The following KIRREL1 variants were observed in gnomAD, a reference collection of about 807,000 sequenced individuals.
KIRREL1 encodes the protein kin of IRRE-like protein 1.
Under a neutral mutation model 83.3 loss-of-function variants are expected in KIRREL1, and 25 were observed. The observed-to-expected ratio is 0.30, with a 90% CI of 0.22 to 0.42. The LOEUF (loss-of-function observed/expected upper bound fraction) is 0.42. KIRREL1 is among the 10% of genes least tolerant of loss of function. The pLI is 1.00. For missense variants in KIRREL1, 812 were observed against 1,032.3 expected, an observed-to-expected ratio of 0.79 and a Z score of 2.92; for synonymous variants, 388 against 410.4, an observed-to-expected ratio of 0.95 and a Z score of 0.66.
At chr1:158,077,126 G>A (rs1221680564) in intron 2 of KIRREL1, among the ~76,000 whole-genome samples, 1 of 152,208 alleles carries the variant, frequency 6.6e-6, no homozygotes, top group Non-Finnish European at 1.5e-5. Context: ...GTATGGGTGT[G>A]GGGGATGGGC....
intron 1 of KIRREL1, among the ~76,000 whole-genome samples, chr1:158,018,022 A>G (rs1659883209): frequency 6.6e-6 from 1 of 152,234 alleles, no homozygotes; most frequent in Non-Finnish European, 1.5e-5. Context: ...CTCAACCTCA[A>G]AAGGCAAAAT....
chr1:158,025,238 C>T (rs1042907303), intron 1 of KIRREL1, among the ~76,000 whole-genome samples: 1 of 152,128 alleles, frequency 6.6e-6, no homozygotes, highest in Non-Finnish European at 1.5e-5. Context: ...GCACAGATTT[C>T]TTTCAGGGTG....
chr1:158,047,773 C>T (rs1373234012), intron 1 of KIRREL1, among the ~76,000 whole-genome samples: 1 of 152,158 alleles, frequency 6.6e-6, no homozygotes, highest in Non-Finnish European at 1.5e-5. Flanking sequence ...CCAATGAACA[C>T]ACCCTCCCAG....
chr1:158,089,360 G>T (rs1662119502), intron 8 of KIRREL1, 142 bp from the exon 9 acceptor site: 1 of 1,333,748 alleles, frequency 7.5e-7, no homozygotes, highest in Admixed American at 2.4e-5. Flanking sequence ...GGACCAAAAT[G>T]GACTCGGGAA....
At chr1:158,051,374 A>G (rs1018317477) in intron 1 of KIRREL1, among the ~76,000 whole-genome samples, 9 of 152,206 alleles carry the variant, frequency 5.9e-5, no homozygotes, top group Non-Finnish European at 1.3e-4. Context: ...AGTTATTCTT[A>G]TTAGTGGTTC....
chr1:158,069,135 A>G (rs1333269586), intron 1 of KIRREL1, among the ~76,000 whole-genome samples: 6 of 152,148 alleles, frequency 3.9e-5, no homozygotes, highest in African/African-American at 1.2e-4. Context: ...CTCTGGGAAC[A>G]TGACCATCAG....
chr1:158,034,003 G>A (rs904752424), intron 1 of KIRREL1, among the ~76,000 whole-genome samples: 3 of 151,934 alleles, frequency 2.0e-5, no homozygotes, highest in Non-Finnish European at 4.4e-5. Context: ...GCTGGGCGCG[G>A]TGGCTCACGC....
At chr1:157,994,669 G>A (rs928949876) in intron 1 of KIRREL1, among the ~76,000 whole-genome samples, 1 of 152,004 alleles carries the variant, frequency 6.6e-6, no homozygotes, top group African/African-American at 2.4e-5. Context: ...CTCTAAGGAA[G>A]ACTGAATCCT....
chr1:158,005,412 G>T (rs1443410664), intron 1 of KIRREL1, among the ~76,000 whole-genome samples: 1 of 151,892 alleles, frequency 6.6e-6, no homozygotes, highest in Non-Finnish European at 1.5e-5. Flanking sequence ...GCCCCTCCCT[G>T]CCACCTCACT....
At chr1:158,054,852 G>A (rs539370908) in intron 1 of KIRREL1, among the ~76,000 whole-genome samples, 3 of 152,272 alleles carry the variant, frequency 2.0e-5, no homozygotes. Context: ...TGTGCTGGGG[G>A]ATGTTGAGAC....
At position 158,095,384 on chromosome 1, in the gene KIRREL1, T is replaced by C; in HGVS notation, c.*264T>C. The C allele has an allele frequency of 2.5e-6, 1 of 398,130 alleles. No individual in the cohort carries two copies. The highest frequency in any genetic ancestry group is 4.5e-6 in the Non-Finnish European group (1 of 223,148). 24.7% of individuals were successfully genotyped at this position (398,130 alleles called of 1,614,324 possible). The stretch of plus-strand genomic sequence containing the variant: ...CCTGCACTCTTGCCTGACCCTAGAA[T>C]GGGGACAGGGAAAGTGAAGGTTAGG... On this transcript the variant is annotated 3_prime_UTR_variant, in exon 15 of 15. Transcript: ENST00000359209.
rs762161751 is a variant in KIRREL1, at chr1:158,093,460, C to CT, written c.1579+15dup. On this transcript the variant is annotated intron_variant, in intron 12 of 14. Transcript: ENST00000359209. ...GCCGCAAAGGCAGTGAGTATGGGCC[C>CT]TGTGCAGCCCACAGCCTTCCCCTGG... 1.2e-6 allele frequency: 2 copies of CT among 1,611,234 alleles called. No individual in the cohort carries two copies. Among genetic ancestry groups the CT allele is most frequent in the Non-Finnish European group, 1.7e-6 (2 of 1,177,498 alleles).
chr1:158,028,966 A>G (rs145741737), intron 1 of KIRREL1, among the ~76,000 whole-genome samples: 3 of 152,324 alleles, frequency 2.0e-5, no homozygotes, highest in African/African-American at 4.8e-5. Flanking sequence ...GTTGAAATAA[A>G]TGACCTTTAT....
chr1:158,017,121 C>A (rs1659847647), intron 1 of KIRREL1, among the ~76,000 whole-genome samples: 1 of 152,196 alleles, frequency 6.6e-6, no homozygotes, highest in Non-Finnish European at 1.5e-5. Flanking sequence ...GCTCCCTTTC[C>A]TGCGGAGGGC....
chr1:158,092,110 G>A (rs1006690611), intron 11 of KIRREL1, among the ~76,000 whole-genome samples: 4 of 152,238 alleles, frequency 2.6e-5, no homozygotes, highest in Non-Finnish European at 5.9e-5. Flanking sequence ...TGTTCAGTAA[G>A]TATGGGTTCC....
intron 1 of KIRREL1, among the ~76,000 whole-genome samples, chr1:158,069,258 G>A (rs74120546): frequency 0.081 from 12,289 of 151,922 alleles, 559 homozygotes; most frequent in African/African-American, 0.12. Context: ...GCATGCGCTT[G>A]TGTGTTATGG....
intron 1 of KIRREL1, among the ~76,000 whole-genome samples, chr1:158,003,813 A>C (rs1447602768): frequency 6.6e-6 from 1 of 152,304 alleles, no homozygotes; most frequent in Non-Finnish European, 1.5e-5. Flanking sequence ...AAAAAAAAAA[A>C]AATCTAATGC....
At chr1:158,018,210 A>G (rs1659890015) in intron 1 of KIRREL1, among the ~76,000 whole-genome samples, 1 of 152,172 alleles carries the variant, frequency 6.6e-6, no homozygotes. Flanking sequence ...ACCCTGGGTC[A>G]GAATTGTCAG....
chr1:158,047,338 T>C (rs906907131), intron 1 of KIRREL1, among the ~76,000 whole-genome samples: 9 of 152,054 alleles, frequency 5.9e-5, no homozygotes, highest in Non-Finnish European at 1.0e-4. Context: ...GATTGTGCCA[T>C]GTGGAAAGTG....
Sources: allele counts gnomAD v4.1 joint callset (sites outside exome capture counted in the v4.1 genomes callset), GRCh38; gene constraint gnomAD v4.1.1; transcripts MANE v1.5; gene names NCBI Gene and HGNC (gene_info 2026-07-23, HGNC 2026-07-21).